The following ERGIC1 variants were observed in gnomAD, a reference collection of about 807,000 sequenced individuals.
ERGIC1 encodes endoplasmic reticulum-golgi intermediate compartment 1, also known as endoplasmic reticulum-Golgi intermediate compartment protein 1.
In ERGIC1, 19 loss-of-function variants were observed where a neutral mutation model predicts 38.3. That is an observed-to-expected ratio of 0.50 (90% confidence interval 0.35 to 0.73). The LOEUF (loss-of-function observed/expected upper bound fraction) is 0.73. Among genes scored for constraint, ERGIC1 ranks in the 30% least tolerant of loss-of-function variants. The probability of loss-of-function intolerance (pLI) is 0.01; values close to 1 mark genes in which losing one functional copy is unlikely to be tolerated. For missense variants in ERGIC1, 294 were observed against 389.2 expected (o/e 0.76, Z 2.06); for synonymous variants, 124 against 157.6 (o/e 0.79, Z 1.60).
At chr5:172,898,067 C>T (rs1762768822) in intron 3 of ERGIC1, 2 of 397,386 alleles carry the variant, frequency 5.0e-6, no homozygotes, top group Non-Finnish European at 8.9e-6. Context: ...GGCTTCAAAG[C>T]CTCTTCATTT....
chr5:172,903,471 C>T (rs1274882079), intron 3 of ERGIC1, among the ~76,000 whole-genome samples: 4 of 152,094 alleles, frequency 2.6e-5, no homozygotes, highest in Non-Finnish European at 1.5e-5. Context: ...GGGCTCTGGG[C>T]CCCCTGTCCC....
chr5:172,854,110 G>A (rs184663746), intron 1 of ERGIC1, among the ~76,000 whole-genome samples: 1 of 152,196 alleles, frequency 6.6e-6, no homozygotes, highest in East Asian at 1.9e-4. Context: ...GCAGGGCAAG[G>A]TGGCTCACGC....
chr5:172,873,881 C>A (rs1010182578), intron 1 of ERGIC1, among the ~76,000 whole-genome samples: 2 of 152,214 alleles, frequency 1.3e-5, no homozygotes, highest in Non-Finnish European at 2.9e-5. Flanking sequence ...CTCTGTTGAC[C>A]TGTGGTAACT....
chr5:172,910,407 A>T (rs1226666070), intron 4 of ERGIC1, among the ~76,000 whole-genome samples: 1 of 152,192 alleles, frequency 6.6e-6, no homozygotes, highest in Admixed American at 6.5e-5. Context: ...GCGGTCCACC[A>T]TCCATGAGAG....
chr5:172,835,239 G>A (rs1452021473), intron 1 of ERGIC1, among the ~76,000 whole-genome samples: 1 of 152,216 alleles, frequency 6.6e-6, no homozygotes, highest in East Asian at 1.9e-4. Context: ...GTGTCTGGCT[G>A]GGAAAAGAGC....
intron 1 of ERGIC1, among the ~76,000 whole-genome samples, chr5:172,871,705 A>G (rs574737573): frequency 1.3e-5 from 2 of 152,354 alleles, no homozygotes; most frequent in East Asian, 1.9e-4. Context: ...TGATGCAGAC[A>G]GATGGCACCA....
chr5:172,895,539 C>T (rs894912575), intron 2 of ERGIC1, among the ~76,000 whole-genome samples: 1 of 152,112 alleles, frequency 6.6e-6, no homozygotes, highest in East Asian at 1.9e-4. Flanking sequence ...CCAGGCCAGG[C>T]ACTGGAACTC....
At chr5:172,899,242 G>A (rs1056817981) in intron 3 of ERGIC1, among the ~76,000 whole-genome samples, 4 of 151,660 alleles carry the variant, frequency 2.6e-5, no homozygotes, top group Admixed American at 1.3e-4. Flanking sequence ...GGAGAGGGTA[G>A]GAGGTAGAGC....
At chr5:172,889,174 C>T (rs1197158329) in intron 2 of ERGIC1, among the ~76,000 whole-genome samples, 2 of 152,004 alleles carry the variant, frequency 1.3e-5, no homozygotes, top group East Asian at 1.9e-4. Context: ...GTCCCATCTA[C>T]TCGGGAGGCT....
At position 172,837,732 on chromosome 5, in the gene ERGIC1, G is replaced by A. The variant is rs1026411265; in HGVS notation, c.20+3299G>A. On this transcript the variant is annotated intron_variant, in intron 1 of 9. Coordinates refer to ENST00000393784, the MANE Select transcript of ERGIC1 (RefSeq NM_001031711.3). The surrounding 1 kb of genome is among the most constrained non-coding windows in gnomAD (Gnocchi z 4.3). ...AGGAGGCAGAACGCAGGGGAGGGAGGCTGAGCTTTCAATGATTTATTGTGT... is the reference window on the plus strand; with the variant it reads ...AGGAGGCAGAACGCAGGGGAGGGAGACTGAGCTTTCAATGATTTATTGTGT... 3.9e-5 allele frequency among the ~76,000 whole-genome samples: 6 copies of A among 152,244 alleles called. No homozygotes were observed. The highest frequency in any genetic ancestry group is 1.4e-4 in the African/African-American group (6 of 41,458).
chr5:172,902,452 C>T (rs1167266780), intron 3 of ERGIC1, among the ~76,000 whole-genome samples: 1 of 152,166 alleles, frequency 6.6e-6, no homozygotes, highest in African/African-American at 2.4e-5. Flanking sequence ...GGCCTGAGGG[C>T]GTCTGAGTGT....
At chr5:172,904,340 A>T (rs916408460) in intron 3 of ERGIC1, among the ~76,000 whole-genome samples, 4 of 152,204 alleles carry the variant, frequency 2.6e-5, no homozygotes, top group African/African-American at 2.4e-5. Context: ...CACCACTATT[A>T]TTCTGACTTC....
At position 172,926,636 on chromosome 5, in the gene ERGIC1, G is replaced by C; in HGVS notation, c.541+67G>C. 2.5e-6 allele frequency: 4 copies of C among 1,574,336 alleles called. No individual in the cohort carries two copies. The highest frequency in any genetic ancestry group is 2.2e-5 in the East Asian group (1 of 44,660). On this transcript the variant is annotated intron_variant, in intron 7 of 9. Coordinates refer to ENST00000393784, the MANE Select transcript of ERGIC1 (RefSeq NM_001031711.3). The surrounding 1 kb of genome is among the most constrained non-coding windows in gnomAD (Gnocchi z 5.2). Reference sequence around the variant, plus strand: ...CCAGTACAGCAGGCAGGGAGGGGGAGGGCAGAGAGGTGGGGGTGCCTGTCC... The same window carrying C: ...CCAGTACAGCAGGCAGGGAGGGGGACGGCAGAGAGGTGGGGGTGCCTGTCC...
chr5:172,868,415 C>A (rs571172876), intron 1 of ERGIC1, among the ~76,000 whole-genome samples: 2 of 152,248 alleles, frequency 1.3e-5, no homozygotes, highest in Admixed American at 6.5e-5. Flanking sequence ...CATGGAGGAA[C>A]CTTACATGCC....
intron 9 of ERGIC1, among the ~76,000 whole-genome samples, chr5:172,942,759 G>A (rs1354104482): frequency 1.3e-5 from 2 of 152,234 alleles, no homozygotes; most frequent in African/African-American, 4.8e-5. Context: ...CGTTCCCAGA[G>A]CAGGTTCGGA....
chr5:172,834,421 T>C lies in ERGIC1; in HGVS notation c.8T>C (p.Phe3Ser). 7.5e-7 allele frequency: 1 copy of C among 1,341,000 alleles called. No homozygotes were observed. The highest frequency in any genetic ancestry group is 9.6e-7 in the Non-Finnish European group (1 of 1,042,032). The allele number at this position is 1,341,000 out of a possible 1,614,324, so 83.1% of individuals were successfully genotyped here. ...ACCCCCGGCGGCGGCACGATGCCCT[T>C]TGACTTCAGGAGGTGAGTGTGGCGA... MP[F>S]DFRRFDIYRK... is the part of the protein sequence containing the mutation. The change falls in exon 1 of 10, where the codon TTT (phenylalanine) becomes TCT (serine). Residue 3 changes from phenylalanine (F) to serine (S), a missense_variant. Physicochemically the swap from Phe to Ser is radical, Grantham distance 155. Around this residue, in one of 3 missense-constraint regions of ERGIC1, gnomAD observed 163 missense variants for 225.8 expected, o/e 0.72. Transcript: ENST00000393784. This position sits in a 1 kb window ranked among gnomAD's most constrained non-coding sequence, Gnocchi z 4.1.
intron 9 of ERGIC1, among the ~76,000 whole-genome samples, chr5:172,938,284 C>T (rs1763929890): frequency 6.6e-6 from 1 of 152,172 alleles, no homozygotes; most frequent in Non-Finnish European, 1.5e-5. Flanking sequence ...AAGTAGGTTC[C>T]CTGGTGCCTC....
chr5:172,859,069 C>T lies in ERGIC1; in HGVS notation c.20+24636C>T, dbSNP rs146279330. On this transcript the variant is annotated intron_variant, in intron 1 of 9. Coordinates refer to ENST00000393784, the MANE Select transcript of ERGIC1 (RefSeq NM_001031711.3). ...TCTGGGTCGTCATCGGCGCCCTTACCGGGGAGGGCTCTGCTCCCCTAAATG... is the reference window on the plus strand; with the variant it reads ...TCTGGGTCGTCATCGGCGCCCTTACTGGGGAGGGCTCTGCTCCCCTAAATG... Among the ~76,000 whole-genome samples the T allele has an allele frequency of 2.8e-3, 431 of 152,270 alleles. 1 individual carries two copies. Among genetic ancestry groups the T allele is most frequent in the African/African-American group, 0.01 (417 of 41,548 alleles).
chr5:172,835,046 G>A (rs1761001322), intron 1 of ERGIC1, among the ~76,000 whole-genome samples: 1 of 152,250 alleles, frequency 6.6e-6, no homozygotes, highest in African/African-American at 2.4e-5. Context: ...CTGCAGAAGG[G>A]CCACCGGGGT....
Sources: gnomAD v4.1 joint callset for allele counts (sites outside exome capture counted in the v4.1 genomes callset) on GRCh38, gnomAD v4.1.1 for gene constraint, gnomAD v4.1.1 regional missense constraint, Gnocchi (gnomAD v3.1) non-coding constraint, MANE v1.5 for transcripts, NCBI Gene and HGNC (gene_info 2026-07-23, HGNC 2026-07-21) for gene names.